DENND1B: variants seen among roughly 807,000 people sequenced by gnomAD.
The protein encoded by DENND1B is DENN domain-containing protein 1B.
In DENND1B, 59 loss-of-function variants were observed where a neutral mutation model predicts 90.1. The observed-to-expected ratio is 0.65, with a 90% CI of 0.53 to 0.81. The LOEUF (loss-of-function observed/expected upper bound fraction) is 0.81. Among genes scored for constraint, DENND1B ranks in the 40% least tolerant of loss-of-function variants. The pLI, the probability that DENND1B is intolerant of heterozygous loss-of-function variation, is 0.00. For missense variants in DENND1B, 862 were observed against 912.6 expected, an observed-to-expected ratio of 0.94 and a Z score of 0.71; for synonymous variants, 337 against 324.6, an observed-to-expected ratio of 1.04 and a Z score of -0.41.
chr1:197,633,017 T>C (rs190873090), intron 10 of DENND1B, among the ~76,000 whole-genome samples: 154 of 152,260 alleles, frequency 1.0e-3, no homozygotes, highest in African/African-American at 2.7e-3. Flanking sequence ...TCTTTGAGGA[T>C]TGAGATTCTT....
chr1:197,573,516 CAG>C (rs2125741476), intron 15 of DENND1B, among the ~76,000 whole-genome samples: 2 of 152,266 alleles, frequency 1.3e-5, no homozygotes, highest in East Asian at 3.9e-4. Flanking sequence ...CAAATTCTAC[CAG>C]AGGCACAAAG....
chr1:197,724,705 C>T (rs1661473420), intron 2 of DENND1B, among the ~76,000 whole-genome samples: 1 of 151,876 alleles, frequency 6.6e-6, no homozygotes, highest in Admixed American at 6.6e-5. Context: ...ATTAAAATTA[C>T]CTGAAACAGC....
intron 3 of DENND1B, among the ~76,000 whole-genome samples, chr1:197,700,493 C>A (rs1450156014): frequency 6.6e-6 from 1 of 152,004 alleles, no homozygotes; most frequent in Non-Finnish European, 1.5e-5. Context: ...AATGTAAAAC[C>A]AAAAACCATA....
intron 19 of DENND1B, 103 bp downstream of exon 19, chr1:197,540,856 A>G (rs888884214): frequency 1.2e-5 from 13 of 1,048,896 alleles, no homozygotes; most frequent in Non-Finnish European, 1.7e-5. Flanking sequence ...AGGGCTAAGC[A>G]TATTTCAAAT....
In DENND1B at chr1:197,680,650, T is replaced by A. The variant is rs186240698; in HGVS notation, c.127-6481A>T. 7.8e-3 allele frequency among the ~76,000 whole-genome samples: 1,188 copies of A among 152,262 alleles called. 13 individuals carry two copies. The highest frequency in any genetic ancestry group is 0.013 in the Non-Finnish European group (864 of 68,018). ...AAATATGTACATTTTAAAGTATGTG[T>A]TTTATTGAAAATAAAATAAAATTAT... On this transcript the variant is annotated intron_variant, in intron 3 of 22. Coordinates refer to ENST00000620048, the MANE Select transcript of DENND1B (RefSeq NM_001195215.2).
chr1:197,603,013 C>A (rs926198052), intron 13 of DENND1B, among the ~76,000 whole-genome samples: 1 of 151,314 alleles, frequency 6.6e-6, no homozygotes, highest in Non-Finnish European at 1.5e-5. Context: ...ATAATAAGGT[C>A]TTTTCAACGT....
intron 3 of DENND1B, among the ~76,000 whole-genome samples, chr1:197,695,114 ATT>A (rs1457251661): frequency 2.0e-5 from 3 of 151,262 alleles, no homozygotes; most frequent in Non-Finnish European, 3.0e-5. Flanking sequence ...TAAGAATGTG[ATT>A]ATGTTTTGCC....
intron 20 of DENND1B, among the ~76,000 whole-genome samples, chr1:197,538,366 T>C (rs1670071045): frequency 6.6e-6 from 1 of 152,174 alleles, no homozygotes; most frequent in Non-Finnish European, 1.5e-5. Flanking sequence ...TTAATAAATG[T>C]TCTCCAGTTA....
At chr1:197,576,119 T>C (rs1275821779) in intron 15 of DENND1B, among the ~76,000 whole-genome samples, 1 of 151,634 alleles carries the variant, frequency 6.6e-6, no homozygotes, top group Admixed American at 6.6e-5. Context: ...AAAAAAAATC[T>C]AAAGAATAGA....
At chr1:197,650,294 A>C (rs1240728454) in intron 7 of DENND1B, among the ~76,000 whole-genome samples, 1 of 152,212 alleles carries the variant, frequency 6.6e-6, no homozygotes, top group African/African-American at 2.4e-5. Context: ...AGGTATCCCA[A>C]AATATGATCC....
At chr1:197,534,446 T>C (rs189622028) in intron 20 of DENND1B, among the ~76,000 whole-genome samples, 5 of 152,334 alleles carry the variant, frequency 3.3e-5, no homozygotes, top group East Asian at 1.9e-4. Flanking sequence ...ATGTGAACTC[T>C]TGTGACACTG....
chr1:197,562,393 T>C (rs1672245268), intron 15 of DENND1B, among the ~76,000 whole-genome samples: 1 of 152,000 alleles, frequency 6.6e-6, no homozygotes, highest in South Asian at 2.1e-4. Context: ...ATCTGCTTAC[T>C]TTGTGTCCCT....
At chr1:197,511,651 G>T in intron 22 of DENND1B, 77 bp downstream of exon 22, 1 of 1,127,962 alleles carries the variant, frequency 8.9e-7, no homozygotes, top group Non-Finnish European at 1.2e-6. Flanking sequence ...TACCAACAAA[G>T]AGTATAAGAT....
intron 9 of DENND1B, among the ~76,000 whole-genome samples, chr1:197,643,125 G>A (rs1458909030): frequency 6.6e-6 from 1 of 151,870 alleles, no homozygotes; most frequent in Non-Finnish European, 1.5e-5. Context: ...CCAACCTAGA[G>A]CTGCTCTGTT....
At chr1:197,611,540 C>G (rs1235380883) in intron 12 of DENND1B, among the ~76,000 whole-genome samples, 1 of 150,396 alleles carries the variant, frequency 6.6e-6, no homozygotes, top group Non-Finnish European at 1.5e-5. Flanking sequence ...ATGAAGTCTG[C>G]AAAATAAAAA....
chr1:197,565,245 G>A (rs1046955221), intron 15 of DENND1B, among the ~76,000 whole-genome samples: 1 of 151,894 alleles, frequency 6.6e-6, no homozygotes, highest in Non-Finnish European at 1.5e-5. Flanking sequence ...CTGAAAATCT[G>A]TAGCTAACAT....
chr1:197,680,159 C>T (rs1239058278), intron 3 of DENND1B, among the ~76,000 whole-genome samples: 1 of 151,846 alleles, frequency 6.6e-6, no homozygotes, highest in Non-Finnish European at 1.5e-5. Flanking sequence ...CAGGTTAACA[C>T]TAGCTTTTAA....
rs144658441 is a variant in DENND1B at position 197,544,798 on chromosome 1, GGAAGAA to G, written c.1350+1118_1350+1123del. Among the ~76,000 whole-genome samples, 38 of 104,472 alleles carry G rather than the reference GGAAGAA, an allele frequency of 3.6e-4. No homozygotes were observed. In the East Asian group the frequency reaches 9.7e-3, roughly 27 times the overall value. 68.5% of individuals were successfully genotyped at this position (104,472 alleles called of 152,430 possible). ...AGGAGGAGGAAGAAGAAGAAGAGGAGGAAGAAGAAGAAGAGGAAGAGGAGGAAGAAG... is the reference window on the plus strand; with the variant it reads ...AGGAGGAGGAAGAAGAAGAAGAGGAGGAAGAAGAGGAAGAGGAGGAAGAAG... On this transcript the variant is annotated intron_variant, in intron 18 of 22. Transcript: ENST00000620048.
Position 197,553,070 on chromosome 1 carries a change from AACCCC to A in DENND1B, c.1187_1191del (p.Arg396IlefsTer3). The A allele has an allele frequency of 6.4e-7, 1 of 1,556,184 alleles. No individual in the cohort carries two copies. The highest frequency in any genetic ancestry group is 8.6e-7 in the Non-Finnish European group (1 of 1,158,212). On this transcript the variant is annotated frameshift_variant, in exon 16 of 23. Transcript: ENST00000620048. LOFTEE classifies it high-confidence loss of function. ...ATCTCTTCTTCAAATACATCAGAGA[AACCCC>A]TTCCTGCATTTAGTTTTGCCAGTCG...
Sources: allele counts gnomAD v4.1 joint callset (sites outside exome capture counted in the v4.1 genomes callset), GRCh38; gene constraint gnomAD v4.1.1; transcripts MANE v1.5; gene names NCBI Gene and HGNC (gene_info 2026-07-23, HGNC 2026-07-21).